Variants in ARHGAP24 observed in about 807,000 individuals in gnomAD.
The protein encoded by ARHGAP24 is Rho GTPase activating protein 24, also known as rho GTPase-activating protein 24.
ARHGAP24 carries 50 observed loss-of-function variants against 76.4 expected under a neutral mutation model. The observed-to-expected ratio is 0.65, with a 90% CI of 0.52 to 0.83. The LOEUF (loss-of-function observed/expected upper bound fraction) is 0.83. Ranked by LOEUF, ARHGAP24 falls within the 40% of genes least tolerant of loss-of-function variation. The pLI, the probability that ARHGAP24 is intolerant of heterozygous loss-of-function variation, is 0.00. For missense variants in ARHGAP24, 930 were observed against 914.2 expected (o/e 1.02, Z -0.22); for synonymous variants, 345 against 323.3 (o/e 1.07, Z -0.72).
At chr4:85,792,855 A>C (rs973359181) in intron 3 of ARHGAP24, among the ~76,000 whole-genome samples, 1 of 152,176 alleles carries the variant, frequency 6.6e-6, no homozygotes, top group African/African-American at 2.4e-5. Flanking sequence ...TGCACCCATC[A>C]ACTAATACTT....
intron 2 of ARHGAP24, among the ~76,000 whole-genome samples, chr4:85,694,001 C>T (rs1476428230): frequency 6.6e-6 from 1 of 152,192 alleles, no homozygotes; most frequent in Admixed American, 6.5e-5. Flanking sequence ...CCTTCACCCA[C>T]TCCTTCCCCA....
At chr4:85,827,887 C>T in intron 3 of ARHGAP24, 6 of 1,288,476 alleles carry the variant, frequency 4.7e-6, no homozygotes, top group East Asian at 5.6e-5. Context: ...GTGCTTTAAG[C>T]GACTCAGGAC....
chr4:85,553,078 C>T (rs1275257759), intron 1 of ARHGAP24, among the ~76,000 whole-genome samples: 3 of 151,788 alleles, frequency 2.0e-5, no homozygotes, highest in South Asian at 2.1e-4. Context: ...TGCAGACCTT[C>T]GCAGTGAGCA....
At chr4:85,511,122 G>C (rs1233100165) in intron 1 of ARHGAP24, among the ~76,000 whole-genome samples, 1 of 152,232 alleles carries the variant, frequency 6.6e-6, no homozygotes, top group South Asian at 2.1e-4. Context: ...CAAAAGGATA[G>C]AATTAAGCTA....
chr4:85,935,453 C>T (rs973135966), intron 4 of ARHGAP24, among the ~76,000 whole-genome samples: 2 of 152,276 alleles, frequency 1.3e-5, no homozygotes, highest in Non-Finnish European at 2.9e-5. Context: ...TAAAGGAAAT[C>T]GGGTTTGGTC....
At chr4:85,879,155 T>A (rs111875103) in intron 3 of ARHGAP24, among the ~76,000 whole-genome samples, 2 of 152,302 alleles carry the variant, frequency 1.3e-5, no homozygotes, top group Admixed American at 6.5e-5. Context: ...GTTTTTTGGC[T>A]TTTTTTGCAT....
chr4:85,793,444 G>A (rs1171117338), intron 3 of ARHGAP24, among the ~76,000 whole-genome samples: 1 of 151,978 alleles, frequency 6.6e-6, no homozygotes, highest in African/African-American at 2.4e-5. Context: ...CTAAAACATA[G>A]CCTGAAAAAA....
At chr4:85,728,233 A>C (rs1393100738) in intron 3 of ARHGAP24, among the ~76,000 whole-genome samples, 1 of 49,384 alleles carries the variant, frequency 2.0e-5, no homozygotes, top group South Asian at 1.0e-3. Flanking sequence ...TCCTTTTGCC[A>C]AAAAAAAAAA....
intron 2 of ARHGAP24, among the ~76,000 whole-genome samples, chr4:85,579,291 A>T (rs1727509579): frequency 6.6e-6 from 1 of 152,180 alleles, no homozygotes; most frequent in Non-Finnish European, 1.5e-5. Context: ...CCATATTCAG[A>T]CTATCTCATG....
intron 3 of ARHGAP24, among the ~76,000 whole-genome samples, chr4:85,769,690 C>A (rs1338106864): frequency 6.6e-6 from 1 of 151,228 alleles, no homozygotes; most frequent in Non-Finnish European, 1.5e-5. Flanking sequence ...ACCGGGCAAG[C>A]GATTCTCCTG....
At chr4:85,797,007 T>C (rs972103792) in intron 3 of ARHGAP24, among the ~76,000 whole-genome samples, 8 of 152,080 alleles carry the variant, frequency 5.3e-5, no homozygotes, top group African/African-American at 1.9e-4. Flanking sequence ...GGCTGGGTGC[T>C]GGAGAAGCTG....
At chr4:85,755,650 TGAGACGGAGTCTCG>T (rs1726463399) in intron 3 of ARHGAP24, among the ~76,000 whole-genome samples, 1 of 144,668 alleles carries the variant, frequency 6.9e-6, no homozygotes, top group Non-Finnish European at 1.5e-5. Context: ...TGTTTTGTTT[TGAGACGGAGTCTCG>T]TTCTGTTGCC....
rs1483607165 is a variant in ARHGAP24, at chr4:85,803,960, T to TA, written c.268+81988_268+81989insA. Among the ~76,000 whole-genome samples the TA allele has an allele frequency of 2.0e-5, 3 of 151,622 alleles. No homozygotes were observed. The East Asian group carries it at 5.8e-4, about 29-fold the overall frequency. Reference sequence around the variant, plus strand: ...TTTTTTTCTTTTTCTTTTTCTTTTTTTTTTTCCTCGAGATGAAGTCTTGCT... The same window carrying TA: ...TTTTTTTCTTTTTCTTTTTCTTTTTTATTTTTCCTCGAGATGAAGTCTTGCT... On this transcript the variant is annotated intron_variant, in intron 3 of 9. Coordinates refer to ENST00000395184, the MANE Select transcript of ARHGAP24 (RefSeq NM_001025616.3).
intron 1 of ARHGAP24, among the ~76,000 whole-genome samples, chr4:85,494,958 C>T (rs1480885471): frequency 1.3e-5 from 2 of 151,500 alleles, no homozygotes; most frequent in African/African-American, 2.4e-5. Flanking sequence ...ATTAGCTGGG[C>T]GGGGTGGCGG....
intron 3 of ARHGAP24, chr4:85,827,807 T>C: frequency 2.4e-6 from 2 of 830,360 alleles, no homozygotes; most frequent in Non-Finnish European, 3.4e-6. Context: ...GTGGTTTCCA[T>C]TCCTGGGTGA....
At chr4:85,942,015 A>G in intron 4 of ARHGAP24, 51 bp from the exon 5 acceptor site, 3 of 1,568,918 alleles carry the variant, frequency 1.9e-6, no homozygotes, top group South Asian at 1.1e-5. Context: ...AACAACAACA[A>G]AGTGGGAAGA....
intron 8 of ARHGAP24, chr4:85,990,192 A>C (rs1740239354): frequency 6.6e-6 from 1 of 151,808 alleles, no homozygotes; most frequent in South Asian, 2.1e-4. Flanking sequence ...TGTTTAGAAC[A>C]ACACTCATAA....
chr4:85,736,622 A>T (rs996899791), intron 3 of ARHGAP24, among the ~76,000 whole-genome samples: 1 of 152,210 alleles, frequency 6.6e-6, no homozygotes, highest in African/African-American at 2.4e-5. Context: ...GTAGAGGTGG[A>T]ATTCTGCTGA....
chr4:85,974,804 A>C, intron 6 of ARHGAP24, 84 bp from the exon 7 acceptor site: 2 of 1,327,900 alleles, frequency 1.5e-6, no homozygotes, highest in Non-Finnish European at 2.1e-6. Context: ...TAATTTTTTA[A>C]AAAATTATAT....
Sources: allele counts gnomAD v4.1 joint callset (sites outside exome capture counted in the v4.1 genomes callset), GRCh38; gene constraint gnomAD v4.1.1; transcripts MANE v1.5; gene names NCBI Gene and HGNC (gene_info 2026-07-23, HGNC 2026-07-21).